Variants in MDGA2 observed in about 807,000 individuals in gnomAD.
MDGA2 encodes the protein MAM domain containing glycosylphosphatidylinositol anchor 2, also known as MAM domain-containing glycosylphosphatidylinositol anchor protein 2.
In MDGA2, 40 loss-of-function variants were observed where a neutral mutation model predicts 117.8. The ratio of observed to expected loss-of-function variants is 0.34; its 90% CI spans 0.26 to 0.44. The LOEUF (loss-of-function observed/expected upper bound fraction) is 0.44, where lower values mean the gene tolerates loss of function less well. Among genes scored for constraint, MDGA2 ranks in the 20% least tolerant of loss-of-function variants. The pLI is 1.00. For synonymous variants in MDGA2, 452 were observed against 439.0 expected (o/e 1.03, Z -0.37); for missense variants, 1,123 against 1,250.6 (o/e 0.90, Z 1.54).
chr14:47,578,350 T>C (rs1409981905), intron 1 of MDGA2, among the ~76,000 whole-genome samples: 1 of 152,096 alleles, frequency 6.6e-6, no homozygotes, highest in Non-Finnish European at 1.5e-5. Context: ...AGCACACCAT[T>C]GCACACATAT....
At chr14:47,491,802 G>GA (rs35423638) in intron 1 of MDGA2, among the ~76,000 whole-genome samples, 12 of 150,682 alleles carry the variant, frequency 8.0e-5, no homozygotes, top group Non-Finnish European at 1.6e-4. Context: ...AAATCTGATT[G>GA]AAAAAAAAAA....
intron 7 of MDGA2, among the ~76,000 whole-genome samples, chr14:47,051,595 T>C (rs1369649439): frequency 2.0e-5 from 3 of 151,880 alleles, no homozygotes; most frequent in African/African-American, 7.2e-5. Flanking sequence ...GCACTAATCA[T>C]AGTTCTAGCT....
At chr14:47,439,865 G>T (rs1274690607) in intron 1 of MDGA2, among the ~76,000 whole-genome samples, 2 of 151,762 alleles carry the variant, frequency 1.3e-5, no homozygotes, top group African/African-American at 4.8e-5. Context: ...ATGAGGGCTA[G>T]AAGTATTTTA....
At chr14:47,364,525 A>G (rs549132188) in intron 1 of MDGA2, among the ~76,000 whole-genome samples, 116 of 152,284 alleles carry the variant, frequency 7.6e-4, no homozygotes, top group Non-Finnish European at 1.4e-3. Flanking sequence ...CGGCCTCCCA[A>G]CGTGCTGGGA....
intron 3 of MDGA2, among the ~76,000 whole-genome samples, chr14:47,208,885 A>C (rs1489200430): frequency 6.6e-6 from 1 of 152,034 alleles, no homozygotes; most frequent in Non-Finnish European, 1.5e-5. Context: ...AATAAGAGCA[A>C]AAGTATAAAC....
chr14:46,917,202 A>C (rs1459626146), intron 10 of MDGA2, among the ~76,000 whole-genome samples: 1 of 152,212 alleles, frequency 6.6e-6, no homozygotes, highest in East Asian at 1.9e-4. Context: ...TCTAGAAATT[A>C]TTTTGTGAAA....
At chr14:47,096,819 G>A (rs534967565) in intron 6 of MDGA2, 35 bp downstream of exon 6, 404 of 1,602,834 alleles carry the variant, frequency 2.5e-4, no homozygotes, top group Admixed American at 4.9e-4. Flanking sequence ...CCTAACCTAG[G>A]AATCTACGTT....
At chr14:47,101,001 C>T (rs1880273845) in intron 5 of MDGA2, among the ~76,000 whole-genome samples, 2 of 151,436 alleles carry the variant, frequency 1.3e-5, no homozygotes, top group Admixed American at 1.3e-4. Context: ...TGAGTCTCCT[C>T]ATAAAGATCA....
intron 9 of MDGA2, among the ~76,000 whole-genome samples, chr14:46,948,304 T>A (rs1330102917): frequency 3.9e-5 from 6 of 152,020 alleles, no homozygotes; most frequent in Admixed American, 3.9e-4. Flanking sequence ...TTTATTCCTG[T>A]GAGATCCCTA....
At chr14:47,246,622 G>A (rs1335938224) in intron 2 of MDGA2, among the ~76,000 whole-genome samples, 2 of 151,584 alleles carry the variant, frequency 1.3e-5, no homozygotes, top group Non-Finnish European at 3.0e-5. Flanking sequence ...GGAAAGAACA[G>A]CACTTTCCCC....
intron 1 of MDGA2, among the ~76,000 whole-genome samples, chr14:47,668,740 G>T (rs1038622380): frequency 6.6e-6 from 1 of 152,140 alleles, no homozygotes; most frequent in African/African-American, 2.4e-5. Flanking sequence ...AATATACTTT[G>T]CATGTCCTTC....
At chr14:47,143,843 A>G (rs1882825547) in intron 4 of MDGA2, among the ~76,000 whole-genome samples, 1 of 152,234 alleles carries the variant, frequency 6.6e-6, no homozygotes, top group Non-Finnish European at 1.5e-5. Flanking sequence ...AAAAAAAGTT[A>G]GGACATAGTA....
intron 1 of MDGA2, among the ~76,000 whole-genome samples, chr14:47,531,688 CT>C (rs1895105167): frequency 6.6e-6 from 1 of 152,164 alleles, no homozygotes; most frequent in Non-Finnish European, 1.5e-5. Flanking sequence ...CGGGGAGACT[CT>C]TCCTTAAACC....
chr14:47,158,365 T>TGG (rs1395091978), intron 3 of MDGA2, among the ~76,000 whole-genome samples: 1 of 71,822 alleles, frequency 1.4e-5, no homozygotes, highest in Non-Finnish European at 3.1e-5. Flanking sequence ...CTGGGGTGGG[T>TGG]GTGTGTGTGT....
At chr14:46,933,720 C>G (rs1238872357) in intron 9 of MDGA2, among the ~76,000 whole-genome samples, 4 of 147,922 alleles carry the variant, frequency 2.7e-5, no homozygotes, top group Non-Finnish European at 6.0e-5. Flanking sequence ...GGCATTATTT[C>G]AACACAATTA....
At position 47,492,098 on chromosome 14, in the gene MDGA2, ATTC is replaced by A. The variant is rs1297388719; in HGVS notation, c.280+182416_280+182418del. ...TTTGAACCATGTAACACAAATATAA[ATTC>A]TTCTTTTCTTTCAAAGCTTCCTCAT... On this transcript the variant is annotated intron_variant, in intron 1 of 16. Coordinates refer to ENST00000399232, the MANE Select transcript of MDGA2 (RefSeq NM_001113498.3). Among the ~76,000 whole-genome samples the A allele has an allele frequency of 2.6e-5, 4 of 152,156 alleles. No homozygotes were observed. The East Asian group carries it at 5.8e-4, about 22-fold the overall frequency.
At chr14:46,912,045 G>A (rs578205231) in intron 10 of MDGA2, among the ~76,000 whole-genome samples, 4 of 152,104 alleles carry the variant, frequency 2.6e-5, no homozygotes, top group African/African-American at 9.6e-5. Context: ...GCTCATGTTT[G>A]GGATGTGAAA....
chr14:47,383,339 G>C (rs1392107145), intron 1 of MDGA2, among the ~76,000 whole-genome samples: 1 of 151,488 alleles, frequency 6.6e-6, no homozygotes, highest in East Asian at 1.9e-4. Flanking sequence ...AGAACTTAAA[G>C]TACAATTAAA....
intron 15 of MDGA2, among the ~76,000 whole-genome samples, chr14:46,851,994 T>A (rs1881077373): frequency 1.3e-5 from 2 of 151,706 alleles, no homozygotes; most frequent in African/African-American, 4.8e-5. Flanking sequence ...ATGGGATTGT[T>A]TAGTTGTGTT....
Sources: gnomAD v4.1 joint callset for allele counts (sites outside exome capture counted in the v4.1 genomes callset) on GRCh38, gnomAD v4.1.1 for gene constraint, MANE v1.5 for transcripts, NCBI Gene and HGNC (gene_info 2026-07-23, HGNC 2026-07-21) for gene names.